Variants in MAX observed in about 807,000 individuals in gnomAD.
The protein encoded by MAX is protein max.
MAX carries 3 observed loss-of-function variants against 22.3 expected under a neutral mutation model. The observed-to-expected ratio is 0.13, with a 90% CI of 0.06 to 0.35. The LOEUF is 0.35. Among genes scored for constraint, MAX ranks in the 10% least tolerant of loss-of-function variants. MAX has a pLI of 1.00. For missense variants in MAX, 119 were observed against 209.4 expected, an observed-to-expected ratio of 0.57 and a Z score of 2.66; for synonymous variants, 72 against 77.7, an observed-to-expected ratio of 0.93 and a Z score of 0.39.
At chr14:65,071,749 C>T (rs532959759), downstream of MAX, among the ~76,000 whole-genome samples, 1 of 152,338 alleles carries the variant, frequency 6.6e-6, no homozygotes, top group Admixed American at 6.5e-5. This position sits in a 1 kb window ranked among gnomAD's most constrained non-coding sequence, Gnocchi z 4.2. Context: ...CCCTGGGCTC[C>T]TTCCCAACAC....
At chr14:65,074,641 C>A (rs962129925), downstream of MAX, among the ~76,000 whole-genome samples, 2 of 152,218 alleles carry the variant, frequency 1.3e-5, no homozygotes, top group African/African-American at 4.8e-5. Context: ...GTGTTGGGTC[C>A]CAGTCTGAGT....
At chr14:65,022,611 C>T (rs2061909735) in intron 3 of MAX, among the ~76,000 whole-genome samples, 2 of 152,042 alleles carry the variant, frequency 1.3e-5, no homozygotes, top group South Asian at 4.1e-4. Flanking sequence ...AAGTGATCCT[C>T]CTGCCTTGGC....
intron 3 of MAX, among the ~76,000 whole-genome samples, chr14:65,051,797 ATT>A (rs776155113): frequency 4.9e-5 from 7 of 142,050 alleles, no homozygotes; most frequent in African/African-American, 5.1e-5. Context: ...CACCATAGGA[ATT>A]TTTTTTTTTT....
chr14:65,015,771 G>A, intron 3 of MAX: 1 of 1,581,808 alleles, frequency 6.3e-7, no homozygotes, highest in African/African-American at 1.3e-5. Context: ...TTTTGAGTTT[G>A]GGATTTTGTT....
Position 65,079,088 on chromosome 14 carries a change from C to T in MAX, c.172-1052G>A, listed in dbSNP as rs2063139369. Among the ~76,000 whole-genome samples, 1 of 152,182 alleles carries T rather than the reference C, an allele frequency of 6.6e-6. No individual in the cohort carries two copies. Among genetic ancestry groups the T allele is most frequent in the South Asian group, 2.1e-4 (1 of 4,834 alleles). Reference sequence around the variant, plus strand: ...GGCTATGTCTGGAAACATTAAAATACTACTTAAATGAAAGCTTTAGGTCAC... The same window carrying T: ...GGCTATGTCTGGAAACATTAAAATATTACTTAAATGAAAGCTTTAGGTCAC... On this transcript the variant is annotated intron_variant, in intron 3 of 4. Transcript: ENST00000358664. This position sits in a 1 kb window ranked among gnomAD's most constrained non-coding sequence, Gnocchi z 4.5.
intron 3 of MAX, among the ~76,000 whole-genome samples, chr14:65,053,625 T>TAAAAAAAAAACAAAACA (rs201558638): frequency 1.4e-5 from 2 of 146,246 alleles, no homozygotes; most frequent in Admixed American, 6.7e-5. Flanking sequence ...CTTCTTTTTT[T>TAAAAAAAAAACAAAACA]TAAAAAAAAC....
rs529281085 is a variant in MAX at position 65,030,925 on chromosome 14, G to C, written c.172-24641C>G. On this transcript the variant is annotated intron_variant, in intron 3 of 3. Transcript: ENST00000341653. The surrounding 1 kb of genome is among the most constrained non-coding windows in gnomAD (Gnocchi z 4.5). ...GGGGTTCAAACGATTCTCCTGCCTC[G>C]GTCTCCCAAGTAGCTGGGATTACAG... Among the ~76,000 whole-genome samples the C allele has an allele frequency of 6.6e-5, 10 of 151,748 alleles. No individual in the cohort carries two copies. The highest frequency in any genetic ancestry group is 2.4e-4 in the African/African-American group (10 of 41,396).
intron 3 of MAX, among the ~76,000 whole-genome samples, chr14:65,021,345 A>G (rs543409692): frequency 6.6e-6 from 1 of 152,338 alleles, no homozygotes; most frequent in South Asian, 2.1e-4. Flanking sequence ...GATAAATTCA[A>G]ATTTTGCTAT....
rs2063071598 is a variant in MAX at position 65,076,862 on chromosome 14, G to A, written c.296-199C>T. 3.0e-6 allele frequency: 2 copies of A among 662,478 alleles called. No homozygotes were observed. Among genetic ancestry groups the A allele is most frequent in the Admixed American group, 2.1e-5 (1 of 46,726 alleles). 41.0% of individuals were successfully genotyped at this position (662,478 alleles called of 1,614,324 possible). ...CCTCCCGCCTTTCCCAGCTGGACCT[G>A]GGAGCCAGCAGACACTCTGCAATCC... On this transcript the variant is annotated intron_variant, in intron 4 of 4. Coordinates refer to ENST00000358664, the MANE Select transcript of MAX (RefSeq NM_002382.5). The surrounding 1 kb of genome is among the most constrained non-coding windows in gnomAD (Gnocchi z 6.6).
At chr14:65,016,479 C>G (rs1016278573) in intron 3 of MAX, 1 of 152,278 alleles carries the variant, frequency 6.6e-6, no homozygotes, top group Non-Finnish European at 1.5e-5. Flanking sequence ...TCAGCTTCCT[C>G]TGGTGCTCTT....
chr14:65,102,668 C>G, upstream of MAX: 1 of 938,148 alleles, frequency 1.1e-6, no homozygotes, highest in South Asian at 5.0e-5. Context: ...CGGAAGAAAC[C>G]GCATCCAGGC....
In MAX at chr14:65,021,247, G is replaced by C. The variant is rs772905520; in HGVS notation, c.172-14963C>G. Reference sequence around the variant, plus strand: ...ACAGGGAGACCATCGCACTGTTAAAGTTATGTTTTTAGCTTCTGTAAGATT... The same window carrying C: ...ACAGGGAGACCATCGCACTGTTAAACTTATGTTTTTAGCTTCTGTAAGATT... On this transcript the variant is annotated intron_variant, in intron 3 of 3. Coordinates refer to the MAX transcript ENST00000341653. Among the ~76,000 whole-genome samples the C allele has an allele frequency of 2.0e-5, 3 of 152,264 alleles. No individual in the cohort carries two copies. In the South Asian group the frequency reaches 6.2e-4, roughly 32 times the overall value.
At chr14:65,022,040 C>T (rs1167302526) in intron 3 of MAX, 2 of 455,934 alleles carry the variant, frequency 4.4e-6, no homozygotes, top group Non-Finnish European at 4.4e-6. Flanking sequence ...ACACGTCTGA[C>T]TCTGTGAGCA....
At chr14:65,068,127 A>G (rs959870484) in intron 3 of MAX, among the ~76,000 whole-genome samples, 4 of 152,156 alleles carry the variant, frequency 2.6e-5, no homozygotes, top group Non-Finnish European at 4.4e-5. Flanking sequence ...TTTAGAAGGT[A>G]GCTACTATAT....
intron 3 of MAX, among the ~76,000 whole-genome samples, chr14:65,042,686 T>C (rs1447036645): frequency 6.6e-6 from 1 of 152,144 alleles, no homozygotes; most frequent in Admixed American, 6.5e-5. Flanking sequence ...ATATCTGAAG[T>C]ATGAATTCCT....
chr14:65,043,641 T>G (rs147021938), intron 3 of MAX, among the ~76,000 whole-genome samples: 2 of 150,818 alleles, frequency 1.3e-5, no homozygotes. Context: ...GCTAACAAGG[T>G]GAAACCCCGT....
At chr14:65,006,643 C>T (rs1240842503) in intron 3 of MAX, among the ~76,000 whole-genome samples, 1 of 152,226 alleles carries the variant, frequency 6.6e-6, no homozygotes. Context: ...CGGGCTGAGT[C>T]ACTGTCCACT....
intron 3 of MAX, among the ~76,000 whole-genome samples, chr14:65,068,485 G>A (rs1263764624): frequency 1.3e-5 from 2 of 152,182 alleles, no homozygotes; most frequent in Non-Finnish European, 2.9e-5. Flanking sequence ...TGAAGGCAGA[G>A]CACCTGCATA....
chr14:65,100,685 C>A (rs979213512), intron 2 of MAX, among the ~76,000 whole-genome samples: 3 of 152,166 alleles, frequency 2.0e-5, no homozygotes, highest in African/African-American at 7.2e-5. Flanking sequence ...ATATTAGACA[C>A]TCTGATATAC....
Sources: allele counts gnomAD v4.1 joint callset (sites outside exome capture counted in the v4.1 genomes callset), GRCh38; gene constraint gnomAD v4.1.1; non-coding constraint Gnocchi (gnomAD v3.1); transcripts MANE v1.5; gene names NCBI Gene and HGNC (gene_info 2026-07-23, HGNC 2026-07-21).